ASIP: variants seen among roughly 807,000 people sequenced by gnomAD.
ASIP encodes the protein agouti signaling protein, also known as agouti-signaling protein.
A neutral mutation model predicts 10.3 loss-of-function variants in ASIP; 11 were observed. The observed-to-expected ratio is 1.07, with a 90% CI of 0.68 to 1.78. ASIP has a LOEUF of 1.78. Ranked by LOEUF, ASIP falls within the 40% of genes most tolerant of loss-of-function variation. The pLI is 0.00. For missense variants in ASIP, 180 were observed against 169.2 expected (o/e 1.06, Z -0.35); for synonymous variants, 70 against 70.8 (o/e 0.99, Z 0.06).
chr20:34,207,904 C>G (rs557467331), intron 1 of ASIP, among the ~76,000 whole-genome samples: 1 of 152,196 alleles, frequency 6.6e-6, no homozygotes, highest in East Asian at 1.9e-4. Context: ...ATTCTCCTGC[C>G]TCAGCCTCCT....
chr20:34,212,002 C>T (rs968483797), intron 1 of ASIP, among the ~76,000 whole-genome samples: 4 of 152,158 alleles, frequency 2.6e-5, no homozygotes, highest in Non-Finnish European at 5.9e-5. Flanking sequence ...CCCATTTTCT[C>T]TCTCTTATCC....
chr20:34,214,602 T>C, intron 1 of ASIP: 3 of 1,297,910 alleles, frequency 2.3e-6, no homozygotes, highest in Non-Finnish European at 3.4e-6. Context: ...AGGCCAGTAG[T>C]AACTCTCGTG....
At chr20:34,245,333 CAAAAA>C (rs1257990215) in intron 1 of ASIP, among the ~76,000 whole-genome samples, 3 of 63,596 alleles carry the variant, frequency 4.7e-5, no homozygotes, top group Non-Finnish European at 3.6e-5. Flanking sequence ...GACTCTGTCT[CAAAAA>C]AAAAAAAAAA....
At chr20:34,233,104 T>G (rs1601582232) in intron 1 of ASIP, among the ~76,000 whole-genome samples, 1 of 151,696 alleles carries the variant, frequency 6.6e-6, no homozygotes, top group East Asian at 1.9e-4. Context: ...CACACCAACA[T>G]TTTTCATCTG....
intron 1 of ASIP, among the ~76,000 whole-genome samples, chr20:34,200,718 A>C (rs1432667964): frequency 6.6e-6 from 1 of 152,194 alleles, no homozygotes; most frequent in Non-Finnish European, 1.5e-5. Flanking sequence ...AGAAACAGGG[A>C]AGGGTGCACT....
intron 1 of ASIP, chr20:34,214,384 G>A (rs973924270): frequency 1.5e-6 from 2 of 1,347,286 alleles, no homozygotes; most frequent in African/African-American, 1.4e-5. Flanking sequence ...GATGTATGCT[G>A]ATAGGAACTG....
Position 34,252,274 on chromosome 20 carries a change from G to A in ASIP, c.-10-8091G>A, listed in dbSNP as rs1055558364. 1.4e-4 allele frequency among the ~76,000 whole-genome samples: 21 copies of A among 152,326 alleles called. 1 individual carries two copies. The East Asian group carries it at 4.0e-3, about 29-fold the overall frequency. The stretch of plus-strand genomic sequence containing the variant: ...GACCCGCACTGGTGCCAGTCTCTGA[G>A]TTCCCTCAGTATTTATTGATTATTA... On this transcript the variant is annotated intron_variant, in intron 1 of 3. Coordinates refer to ENST00000374954, the MANE Select transcript of ASIP (RefSeq NM_001672.3).
intron 1 of ASIP, among the ~76,000 whole-genome samples, chr20:34,227,492 A>T (rs938512950): frequency 6.6e-6 from 1 of 152,010 alleles, no homozygotes; most frequent in African/African-American, 2.4e-5. Flanking sequence ...TTAGCTGGGC[A>T]TGATGGTGCA....
intron 1 of ASIP, among the ~76,000 whole-genome samples, chr20:34,213,053 A>G (rs961606228): frequency 1.3e-5 from 2 of 152,210 alleles, no homozygotes; most frequent in African/African-American, 2.4e-5. Flanking sequence ...TTGCCATTGT[A>G]ACAGTATCAA....
intron 1 of ASIP, among the ~76,000 whole-genome samples, chr20:34,217,707 G>T (rs1205826619): frequency 6.6e-6 from 1 of 151,716 alleles, no homozygotes; most frequent in Admixed American, 6.6e-5. Context: ...GACTGCAGGC[G>T]CCCACCACCA....
the ASIP span, among the ~76,000 whole-genome samples, chr20:34,189,478 G>C: frequency 6.6e-6 from 1 of 152,114 alleles, no homozygotes; most frequent in East Asian, 1.9e-4. Context: ...CCAACCTCAT[G>C]TGATCCGCCC....
At chr20:34,245,680 C>T (rs548657597) in intron 1 of ASIP, among the ~76,000 whole-genome samples, 3 of 152,118 alleles carry the variant, frequency 2.0e-5, no homozygotes, top group South Asian at 2.1e-4. Context: ...TGAGCCACCA[C>T]GCCCAGCAAA....
chr20:34,209,032 A>T (rs2034955759), intron 1 of ASIP, among the ~76,000 whole-genome samples: 1 of 152,260 alleles, frequency 6.6e-6, no homozygotes, highest in Non-Finnish European at 1.5e-5. Context: ...TTTTCTAAAC[A>T]TAAGATCATA....
chr20:34,243,296 T>A (rs1048738170), intron 1 of ASIP, among the ~76,000 whole-genome samples: 20 of 152,318 alleles, frequency 1.3e-4, no homozygotes, highest in Admixed American at 1.0e-3. Flanking sequence ...CTGAAGCAGG[T>A]TGTCTACAGA....
chr20:34,257,124 C>A (rs2035587005), intron 1 of ASIP, among the ~76,000 whole-genome samples: 2 of 148,772 alleles, frequency 1.3e-5, no homozygotes, highest in Admixed American at 6.7e-5. Context: ...CCCTCTTTCA[C>A]CCAGGCTGGA....
At chr20:34,259,765 C>T (rs909177387) in intron 1 of ASIP, among the ~76,000 whole-genome samples, 3 of 151,800 alleles carry the variant, frequency 2.0e-5, no homozygotes, top group African/African-American at 7.3e-5. Flanking sequence ...AAAAAAAATC[C>T]AGCTAGCAAA....
chr20:34,266,304 C>T (rs1055288428), intron 3 of ASIP, among the ~76,000 whole-genome samples: 1 of 150,090 alleles, frequency 6.7e-6, no homozygotes, highest in Non-Finnish European at 1.5e-5. Context: ...GAGCCGAGAC[C>T]GTGCCACTAC....
At chr20:34,267,773 C>T (rs892602287) in intron 3 of ASIP, among the ~76,000 whole-genome samples, 7 of 151,752 alleles carry the variant, frequency 4.6e-5, no homozygotes, top group African/African-American at 1.2e-4. Flanking sequence ...TCAGGTGATC[C>T]GCCTGCCTAG....
chr20:34,248,541 G>A (rs745468273), intron 1 of ASIP, among the ~76,000 whole-genome samples: 1 of 152,224 alleles, frequency 6.6e-6, no homozygotes, highest in Middle Eastern at 3.4e-3. Context: ...GATGGCTCAC[G>A]CTTGTAATTC....
Sources: allele counts gnomAD v4.1 joint callset (sites outside exome capture counted in the v4.1 genomes callset), GRCh38; gene constraint gnomAD v4.1.1; transcripts MANE v1.5; gene names NCBI Gene and HGNC (gene_info 2026-07-23, HGNC 2026-07-21).